The following BARD1 variants were observed in gnomAD, a reference collection of about 807,000 sequenced individuals.
The protein encoded by BARD1 is BRCA1-associated RING domain protein 1.
Under a neutral mutation model 77.0 loss-of-function variants are expected in BARD1, and 73 were observed. That is an observed-to-expected ratio of 0.95 (90% CI 0.79 to 1.15). BARD1 has a LOEUF of 1.15. BARD1 is among the 50% of genes most tolerant of loss of function. BARD1 has a pLI of 0.00. For missense variants in BARD1, 993 were observed against 938.8 expected, an observed-to-expected ratio of 1.06 and a Z score of -0.75; for synonymous variants, 384 against 338.0, an observed-to-expected ratio of 1.14 and a Z score of -1.49.
intron 6 of BARD1, among the ~76,000 whole-genome samples, 193 bp from the exon 7 acceptor site, chr2:214,752,748 A>G (rs928951442): frequency 1.3e-5 from 2 of 152,196 alleles, no homozygotes; most frequent in African/African-American, 4.8e-5. Context: ...ACATCAGATT[A>G]TAGGGATTGT....
intron 7 of BARD1, among the ~76,000 whole-genome samples, chr2:214,746,492 T>G (rs1693123426): frequency 6.6e-6 from 1 of 151,984 alleles, no homozygotes; most frequent in South Asian, 2.1e-4. Flanking sequence ...AATCTAGACT[T>G]AGAATTCACA....
At chr2:214,735,526 A>G (rs1692533321) in intron 9 of BARD1, among the ~76,000 whole-genome samples, 1 of 152,160 alleles carries the variant, frequency 6.6e-6, no homozygotes, top group Non-Finnish European at 1.5e-5. Context: ...AACAATGAGG[A>G]TTTACTGTTT....
chr2:214,803,375 ATC>A (rs1441576806), intron 1 of BARD1, among the ~76,000 whole-genome samples: 1 of 152,212 alleles, frequency 6.6e-6, no homozygotes, highest in East Asian at 1.9e-4. Flanking sequence ...AGAGGAAGGC[ATC>A]TGTCTCCTGC....
intron 3 of BARD1, among the ~76,000 whole-genome samples, chr2:214,790,913 C>A (rs1322843219): frequency 6.6e-6 from 1 of 152,178 alleles, no homozygotes; most frequent in East Asian, 1.9e-4. Context: ...AACCCCTGCA[C>A]TGACCCTCGG....
chr2:214,795,648 A>G (rs1489706543), intron 2 of BARD1, among the ~76,000 whole-genome samples: 1 of 152,192 alleles, frequency 6.6e-6, no homozygotes, highest in African/African-American at 2.4e-5. Flanking sequence ...ACAAACTATA[A>G]ACTGTAGAAA....
At chr2:214,787,216 C>T (rs982896734) in intron 3 of BARD1, among the ~76,000 whole-genome samples, 3 of 151,716 alleles carry the variant, frequency 2.0e-5, no homozygotes, top group African/African-American at 7.2e-5. Context: ...CAGCAACATA[C>T]TCAACTGACT....
intron 6 of BARD1, among the ~76,000 whole-genome samples, chr2:214,759,815 T>C (rs1693866663): frequency 6.6e-6 from 1 of 152,192 alleles, no homozygotes; most frequent in Non-Finnish European, 1.5e-5. Flanking sequence ...AAAAGCTCAT[T>C]TAATTTAAAA....
chr2:214,760,044 T>A (rs535458964), intron 6 of BARD1, among the ~76,000 whole-genome samples: 9 of 152,180 alleles, frequency 5.9e-5, no homozygotes, highest in Admixed American at 1.3e-4. Flanking sequence ...GTCTAACTTA[T>A]ATGACTGAGT....
intron 1 of BARD1, among the ~76,000 whole-genome samples, chr2:214,803,595 G>A (rs577988360): frequency 1.3e-5 from 2 of 152,120 alleles, no homozygotes; most frequent in African/African-American, 4.8e-5. Context: ...CTTTGTTCAC[G>A]TGTTTGTCTG....
intron 9 of BARD1, chr2:214,731,123 A>T: frequency 9.8e-6 from 2 of 204,578 alleles, no homozygotes; most frequent in Non-Finnish European, 9.9e-6. Context: ...AGATGATTTG[A>T]TTGGGCTTTG....
chr2:214,771,924 GA>G (rs10602414), intron 4 of BARD1, among the ~76,000 whole-genome samples: 9,172 of 107,120 alleles, frequency 0.086, 341 homozygotes, highest in African/African-American at 0.12. Flanking sequence ...CCAGTTTCAG[GA>G]AAAAAAAAAA....
intron 5 of BARD1, 105 bp from the exon 6 acceptor site, chr2:214,767,759 A>G: frequency 2.8e-6 from 3 of 1,063,980 alleles, no homozygotes; most frequent in Non-Finnish European, 4.1e-6. Flanking sequence ...GTCAGGCAGT[A>G]AATTTATTGT....
intron 4 of BARD1, among the ~76,000 whole-genome samples, chr2:214,777,148 G>A (rs1056419198): frequency 1.3e-5 from 2 of 152,136 alleles, no homozygotes; most frequent in African/African-American, 4.8e-5. Flanking sequence ...GTACAGAACT[G>A]TAAGAAAATT....
Position 214,781,315 on chromosome 2 carries a change from G to A in BARD1, c.559C>T (p.Pro187Ser), listed in dbSNP as rs1574820873. 1 of 1,612,690 alleles carries A rather than the reference G, an allele frequency of 6.2e-7. No individual in the cohort carries two copies. The highest frequency in any genetic ancestry group is 1.1e-5 in the South Asian group (1 of 90,350). ...GCCCTCTCAGAAACATCTGCAGGAG[G>A]ACTTGGGGAAACAAATTCATATGAG... Reference protein sequence around the residue: ...QDSYEFVSPSPPADVSERAKK... With the variant: ...QDSYEFVSPSSPADVSERAKK... The change falls in exon 4 of 11, where the codon CCT becomes TCT. Residue 187 changes from proline (P) to serine (S), a missense_variant. Transcript: ENST00000260947.
At chr2:214,782,975 G>A (rs1452938173) in intron 3 of BARD1, among the ~76,000 whole-genome samples, 1 of 152,152 alleles carries the variant, frequency 6.6e-6, no homozygotes. Context: ...CCTAGACCAA[G>A]AGGCAAGAGC....
rs138296824 is a variant in BARD1 at position 214,784,827 on chromosome 2, G to A, written c.365-3318C>T. On this transcript the variant is annotated intron_variant, in intron 3 of 10. Coordinates refer to ENST00000260947, the MANE Select transcript of BARD1 (RefSeq NM_000465.4). ...CACTCATAAGTGGGAGGTGAACAAT[G>A]AGAACACATGGACAGAGGGAGGGGA... is the stretch of plus-strand genomic sequence containing the variant. Among the ~76,000 whole-genome samples the A allele has an allele frequency of 3.9e-5, 6 of 152,202 alleles. No homozygotes were observed. The East Asian group carries it at 9.7e-4, about 25-fold the overall frequency.
chr2:214,762,216 T>G (rs1225707022), intron 6 of BARD1, among the ~76,000 whole-genome samples: 2 of 152,176 alleles, frequency 1.3e-5, no homozygotes, highest in African/African-American at 4.8e-5. Flanking sequence ...AAAATTACCT[T>G]CAGGCTATGT....
intron 3 of BARD1, among the ~76,000 whole-genome samples, chr2:214,785,182 A>G (rs1695215292): frequency 6.6e-6 from 1 of 151,946 alleles, no homozygotes; most frequent in Admixed American, 6.6e-5. Context: ...ATAAAAATCT[A>G]TTTTTTCTCT....
rs59814038 is a variant in BARD1, at chr2:214,771,943, A to AAAAAAAAAAAAAG, written c.1315-2632_1315-2631insCTTTTTTTTTTTT. Among the ~76,000 whole-genome samples, 679 of 143,156 alleles carry AAAAAAAAAAAAAG rather than the reference A, an allele frequency of 4.7e-3. 6 individuals are homozygous for AAAAAAAAAAAAAG. The highest frequency in any genetic ancestry group is 6.1e-3 in the Non-Finnish European group (405 of 66,256). The allele number at this position is 143,156 out of a possible 152,430, so 93.9% of individuals were successfully genotyped here. On this transcript the variant is annotated intron_variant, in intron 4 of 10. Transcript: ENST00000260947. ...TTTCAGGAAAAAAAAAAAAAAAAAA[A>AAAAAAAAAAAAAG]GCAACATTTTCCCAGATTTCTTAAC... is the stretch of plus-strand genomic sequence containing the variant.
Sources: gnomAD v4.1 joint callset for allele counts (sites outside exome capture counted in the v4.1 genomes callset) on GRCh38, gnomAD v4.1.1 for gene constraint, MANE v1.5 for transcripts, NCBI Gene and HGNC (gene_info 2026-07-23, HGNC 2026-07-21) for gene names.